MDGA2: variants seen among roughly 807,000 people sequenced by gnomAD.
The protein encoded by MDGA2 is MAM domain-containing glycosylphosphatidylinositol anchor protein 2.
MDGA2 carries 40 observed loss-of-function variants against 117.8 expected under a neutral mutation model. The observed-to-expected ratio is 0.34, with a 90% CI of 0.26 to 0.44. The LOEUF is 0.44. MDGA2 is among the 20% of genes least tolerant of loss of function. The pLI, the probability that MDGA2 is intolerant of heterozygous loss-of-function variation, is 1.00. For missense variants in MDGA2, 1,123 were observed against 1,250.6 expected, an observed-to-expected ratio of 0.90 and a Z score of 1.54; for synonymous variants, 452 against 439.0, an observed-to-expected ratio of 1.03 and a Z score of -0.37.
At chr14:46,920,245 C>T (rs1884074792) in intron 9 of MDGA2, 85 bp from the exon 10 acceptor site, 1 of 1,278,530 alleles carries the variant, frequency 7.8e-7, no homozygotes, top group African/African-American at 1.6e-5. Context: ...TTTACCATTT[C>T]TACTATATTT....
intron 3 of MDGA2, among the ~76,000 whole-genome samples, chr14:47,175,456 C>G (rs1034239452): frequency 4.0e-5 from 6 of 148,918 alleles, no homozygotes; most frequent in African/African-American, 1.5e-4. Flanking sequence ...CCACCATGAT[C>G]AAGTGGGCTT....
chr14:47,236,652 A>G (rs947688183), intron 2 of MDGA2, among the ~76,000 whole-genome samples: 1 of 152,224 alleles, frequency 6.6e-6, no homozygotes, highest in African/African-American at 2.4e-5. Flanking sequence ...AAATAAATAA[A>G]GAACCATTTC....
At chr14:47,235,889 T>G (rs1260337682) in intron 2 of MDGA2, among the ~76,000 whole-genome samples, 1 of 152,114 alleles carries the variant, frequency 6.6e-6, no homozygotes, top group Non-Finnish European at 1.5e-5. Flanking sequence ...CAGTGGCTGC[T>G]CAGGAAGCCA....
intron 10 of MDGA2, among the ~76,000 whole-genome samples, chr14:46,916,047 C>T (rs1249309692): frequency 2.0e-5 from 3 of 152,110 alleles, no homozygotes; most frequent in Non-Finnish European, 2.9e-5. Flanking sequence ...GGTCACACTT[C>T]GAGGAGAACA....
At chr14:47,449,431 T>C (rs1304105631) in intron 1 of MDGA2, among the ~76,000 whole-genome samples, 1 of 152,164 alleles carries the variant, frequency 6.6e-6, no homozygotes, top group Non-Finnish European at 1.5e-5. Flanking sequence ...TATTATAGTC[T>C]TTTCATAAGT....
At chr14:46,994,826 G>C (rs1401403824) in intron 8 of MDGA2, among the ~76,000 whole-genome samples, 1 of 151,944 alleles carries the variant, frequency 6.6e-6, no homozygotes, top group African/African-American at 2.4e-5. Context: ...AATAACATAG[G>C]GTAGTGGAAA....
chr14:46,893,238 G>C (rs1261238899), intron 10 of MDGA2, among the ~76,000 whole-genome samples: 1 of 151,920 alleles, frequency 6.6e-6, no homozygotes, highest in Admixed American at 6.6e-5. Context: ...AAATAAAGCA[G>C]ACCCAGAAAT....
At chr14:47,423,491 T>C (rs550956729) in intron 1 of MDGA2, among the ~76,000 whole-genome samples, 18 of 152,272 alleles carry the variant, frequency 1.2e-4, no homozygotes, top group South Asian at 6.2e-4. Context: ...AGTGTTAACT[T>C]GCCCAGATGA....
chr14:46,943,927 A>G lies in MDGA2; in HGVS notation c.2089+13447T>C, dbSNP rs1485915963. On this transcript the variant is annotated intron_variant, in intron 9 of 16. Coordinates refer to ENST00000399232, the MANE Select transcript of MDGA2 (RefSeq NM_001113498.3). The stretch of plus-strand genomic sequence containing the variant: ...AAATCAGGAAAGGTGTGTTCCAATT[A>G]AACTTCATTTACAAAAAACAGTTTG... Among the ~76,000 whole-genome samples, 4 of 152,182 alleles carry G rather than the reference A, an allele frequency of 2.6e-5. No homozygotes were observed. In the East Asian group the frequency reaches 7.7e-4, roughly 29 times the overall value.
intron 3 of MDGA2, among the ~76,000 whole-genome samples, chr14:47,167,268 G>A (rs1304943436): frequency 6.6e-6 from 1 of 151,994 alleles, no homozygotes; most frequent in African/African-American, 2.4e-5. Context: ...ATAAGAATTA[G>A]TTTATCATAC....
chr14:47,019,572 G>C (rs1003176669), intron 8 of MDGA2, among the ~76,000 whole-genome samples: 1 of 152,024 alleles, frequency 6.6e-6, no homozygotes, highest in Admixed American at 6.5e-5. Flanking sequence ...GGCCGGGCGC[G>C]GTAGCTCACG....
At chr14:46,980,831 C>G (rs1319435632) in intron 8 of MDGA2, among the ~76,000 whole-genome samples, 1 of 152,076 alleles carries the variant, frequency 6.6e-6, no homozygotes, top group African/African-American at 2.4e-5. Flanking sequence ...AGACATAATG[C>G]TATTGCACAC....
At chr14:47,252,645 C>T (rs1394692687) in intron 2 of MDGA2, among the ~76,000 whole-genome samples, 3 of 152,096 alleles carry the variant, frequency 2.0e-5, no homozygotes, top group Non-Finnish European at 4.4e-5. Flanking sequence ...TACAGGAGCA[C>T]AGTTTGGGAG....
intron 1 of MDGA2, among the ~76,000 whole-genome samples, chr14:47,446,537 T>C (rs754311083): frequency 8.5e-5 from 13 of 152,086 alleles, no homozygotes; most frequent in Non-Finnish European, 1.8e-4. Flanking sequence ...TTTGTTTTAA[T>C]AGAAAATTCT....
chr14:47,548,871 T>C (rs1254900773), intron 1 of MDGA2, among the ~76,000 whole-genome samples: 3 of 152,228 alleles, frequency 2.0e-5, no homozygotes, highest in East Asian at 3.9e-4. Flanking sequence ...AGTCAGTCTA[T>C]TGTTTGGCCC....
chr14:47,172,857 C>A (rs1884225746), intron 3 of MDGA2, among the ~76,000 whole-genome samples: 1 of 152,082 alleles, frequency 6.6e-6, no homozygotes, highest in Admixed American at 6.5e-5. Context: ...CTCCGAGCTA[C>A]AGGAGGAAAT....
Position 47,326,850 on chromosome 14 carries a change from T to C in MDGA2, c.281-25300A>G, listed in dbSNP as rs540532553. On this transcript the variant is annotated intron_variant, in intron 1 of 16. Coordinates refer to ENST00000399232, the MANE Select transcript of MDGA2 (RefSeq NM_001113498.3). ...AAATAATGTATTGTTCCTTCCTCTC[T>C]ACAGAGAAATCATTAATTTTATTTC... Among the ~76,000 whole-genome samples, 6 of 152,288 alleles carry C rather than the reference T, an allele frequency of 3.9e-5. No individual in the cohort carries two copies. The South Asian group carries it at 1.0e-3, about 26-fold the overall frequency.
chr14:47,236,455 G>A (rs1886868186), intron 2 of MDGA2, among the ~76,000 whole-genome samples: 1 of 152,112 alleles, frequency 6.6e-6, no homozygotes, highest in African/African-American at 2.4e-5. Flanking sequence ...AAGAGACTGA[G>A]ATTCACATGC....
intron 8 of MDGA2, chr14:46,960,400 A>G (rs1033013558): frequency 6.6e-6 from 1 of 151,838 alleles, no homozygotes; most frequent in African/African-American, 2.4e-5. Context: ...TCTTTAGTGA[A>G]CTTTTTGATC....
Sources: gnomAD v4.1 joint callset for allele counts (sites outside exome capture counted in the v4.1 genomes callset) on GRCh38, gnomAD v4.1.1 for gene constraint, MANE v1.5 for transcripts, NCBI Gene and HGNC (gene_info 2026-07-23, HGNC 2026-07-21) for gene names.